RIMS3: variants seen among roughly 807,000 people sequenced by gnomAD.
The protein encoded by RIMS3 is regulating synaptic membrane exocytosis protein 3.
In RIMS3, 15 loss-of-function variants were observed where a neutral mutation model predicts 29.2. That is an observed-to-expected ratio of 0.51 (90% CI 0.34 to 0.79). The LOEUF (loss-of-function observed/expected upper bound fraction) is 0.79, where lower values mean the gene tolerates loss of function less well. Ranked by LOEUF, RIMS3 falls within the 30% of genes least tolerant of loss-of-function variation. The pLI is 0.01. For synonymous variants in RIMS3, 161 were observed against 170.1 expected (o/e 0.95, Z 0.41); for missense variants, 342 against 421.4 (o/e 0.81, Z 1.65).
chr1:40,691,884 G>A, the RIMS3 span: 2 of 383,550 alleles, frequency 5.2e-6, no homozygotes, highest in South Asian at 3.5e-5. Context: ...GAGTGTGCGG[G>A]AGTTTCTGTG....
upstream of RIMS3, among the ~76,000 whole-genome samples, chr1:40,666,393 T>C (rs1482533629): frequency 6.6e-6 from 1 of 152,194 alleles, no homozygotes; most frequent in Non-Finnish European, 1.5e-5. Context: ...ACGCCTTCAA[T>C]GCACAGGACA....
intron 1 of RIMS3, among the ~76,000 whole-genome samples, chr1:40,652,112 G>T (rs1486356283): frequency 6.6e-6 from 1 of 152,050 alleles, no homozygotes; most frequent in African/African-American, 2.4e-5. Flanking sequence ...TCCACCATTC[G>T]CCTCTCCCTT....
chr1:40,650,075 C>T (rs915514767), intron 1 of RIMS3, among the ~76,000 whole-genome samples: 1 of 152,190 alleles, frequency 6.6e-6, no homozygotes, highest in South Asian at 2.1e-4. Flanking sequence ...GTCCTCATGG[C>T]AGTGCAGGGG....
the RIMS3 span, among the ~76,000 whole-genome samples, chr1:40,688,770 T>C: frequency 6.6e-6 from 1 of 152,204 alleles, no homozygotes; most frequent in Non-Finnish European, 1.5e-5. Context: ...AGAGGGGCAA[T>C]GGTAGTGCTA....
chr1:40,672,870 A>G, the RIMS3 span, among the ~76,000 whole-genome samples: 3 of 8,154 alleles, frequency 3.7e-4, no homozygotes, highest in Non-Finnish European at 9.1e-4. Flanking sequence ...TCTCTGGAGA[A>G]AAAAAAAAAA....
intron 2 of RIMS3, among the ~76,000 whole-genome samples, chr1:40,644,159 C>T (rs551269900): frequency 5.3e-5 from 8 of 152,324 alleles, no homozygotes; most frequent in East Asian, 1.9e-4. Context: ...GAACAGACAG[C>T]GCTCAGACAG....
rs575678776 is a variant in RIMS3 at position 40,626,630 on chromosome 1, C to T, written c.814G>A (p.Gly272Ser). ...DELDLSAAVT[G>S]WYKLFPTSSV... ...GAGGTGGGGAAGAGTTTGTACCAGC[C>T]GGTGACCGCGGCGCTGAGGTCCAGC... is the stretch of plus-strand genomic sequence containing the variant. Residue 272 changes from glycine (G) to serine (S), a missense_variant, in exon 8 of 8, where the codon GGC becomes AGC. Transcript: ENST00000372684. 123 of 1,614,162 alleles carry T rather than the reference C, an allele frequency of 7.6e-5. 1 individual carries two copies. The highest frequency in any genetic ancestry group is 1.7e-4 in the Admixed American group (10 of 60,026).
Position 40,626,604 on chromosome 1 carries a change from G to A in RIMS3, c.840C>T (p.Ser280=), listed in dbSNP as rs1427342938. Residue 280 remains serine, a synonymous_variant, in exon 8 of 8, where the codon TCC becomes TCT. Coordinates refer to ENST00000372684, the MANE Select transcript of RIMS3 (RefSeq NM_014747.3). ...VTGWYKLFPT[S]SVADSTLGSL... Reference sequence around the variant, plus strand: ...ATCCGAGTGTGGAGTCTGCCACTGAGGAGGTGGGGAAGAGTTTGTACCAGC... The same window carrying A: ...ATCCGAGTGTGGAGTCTGCCACTGAAGAGGTGGGGAAGAGTTTGTACCAGC... 1 of 1,614,212 alleles carries A rather than the reference G, an allele frequency of 6.2e-7. No homozygotes were observed.
At chr1:40,638,288 C>T (rs1162958701) in intron 3 of RIMS3, among the ~76,000 whole-genome samples, 2 of 152,154 alleles carry the variant, frequency 1.3e-5, no homozygotes, top group Non-Finnish European at 2.9e-5. Context: ...GATTAAGTTC[C>T]ATGACCTCAG....
chr1:40,674,324 T>G, the RIMS3 span, among the ~76,000 whole-genome samples: 1 of 152,242 alleles, frequency 6.6e-6, no homozygotes, highest in Non-Finnish European at 1.5e-5. Flanking sequence ...GTACAGTTTC[T>G]GCCTCACTCA....
chr1:40,664,109 G>C (rs539131284), intron 1 of RIMS3, among the ~76,000 whole-genome samples: 125 of 152,250 alleles, frequency 8.2e-4, no homozygotes, highest in Non-Finnish European at 1.4e-3. Context: ...CCCAGGGCTG[G>C]AAGTCCCTAA....
At chr1:40,651,039 C>A (rs1646629032) in intron 1 of RIMS3, among the ~76,000 whole-genome samples, 1 of 152,082 alleles carries the variant, frequency 6.6e-6, no homozygotes, top group East Asian at 1.9e-4. Context: ...AAGGTCATTT[C>A]CTAGGACAGT....
At chr1:40,648,216 T>A (rs1646607709) in intron 1 of RIMS3, among the ~76,000 whole-genome samples, 1 of 152,098 alleles carries the variant, frequency 6.6e-6, no homozygotes, top group African/African-American at 2.4e-5. Flanking sequence ...GCCAAGCAGT[T>A]GGGGGACACA....
At chr1:40,631,236 G>C (rs555234298) in intron 5 of RIMS3, among the ~76,000 whole-genome samples, 17 of 152,302 alleles carry the variant, frequency 1.1e-4, no homozygotes, top group Middle Eastern at 3.4e-3. Context: ...ACCTAAGAGA[G>C]GGAGGGGGCA....
At chr1:40,680,186 GAAC>G in the RIMS3 span, among the ~76,000 whole-genome samples, 4 of 151,636 alleles carry the variant, frequency 2.6e-5, no homozygotes, top group East Asian at 1.9e-4. Context: ...CAAAAAACAA[GAAC>G]AACAACAAGA....
rs2148341675 is a variant in RIMS3, at chr1:40,625,525, C to T, written c.*992G>A. 6.6e-6 allele frequency: 1 copy of T among 152,486 alleles called. No individual in the cohort carries two copies. Among genetic ancestry groups the T allele is most frequent in the African/African-American group, 2.4e-5 (1 of 41,566 alleles). 9.4% of individuals were successfully genotyped at this position (152,486 alleles called of 1,614,324 possible). ...AACTCAGCCTCAGCCCTCCTTATTC[C>T]AGCAAACAGCCCTACCCACAGAACC... On this transcript the variant is annotated 3_prime_UTR_variant, in exon 8 of 8. Coordinates refer to ENST00000372684, the MANE Select transcript of RIMS3 (RefSeq NM_014747.3).
intron 5 of RIMS3, among the ~76,000 whole-genome samples, chr1:40,631,873 G>A (rs1013801696): frequency 2.0e-5 from 3 of 152,102 alleles, no homozygotes; most frequent in Admixed American, 1.3e-4. Flanking sequence ...TCAGGAGGCT[G>A]AGGCAGGAGA....
At chr1:40,640,985 C>A (rs186823406) in intron 3 of RIMS3, among the ~76,000 whole-genome samples, 1 of 152,168 alleles carries the variant, frequency 6.6e-6, no homozygotes, top group Non-Finnish European at 1.5e-5. Context: ...GGGCAGCTTA[C>A]CAGAGACACT....
At chr1:40,633,218 G>A (rs1275975527) in intron 4 of RIMS3, 37 bp from the exon 5 acceptor site, 2 of 1,530,570 alleles carry the variant, frequency 1.3e-6, no homozygotes, top group East Asian at 2.3e-5. Flanking sequence ...GAGGGGGTCA[G>A]GGCAACCTGA....
Sources: gnomAD v4.1 joint callset for allele counts (sites outside exome capture counted in the v4.1 genomes callset) on GRCh38, gnomAD v4.1.1 for gene constraint, MANE v1.5 for transcripts, NCBI Gene and HGNC (gene_info 2026-07-23, HGNC 2026-07-21) for gene names.